Variants in SH3GL3 observed in about 807,000 individuals in gnomAD.
The protein encoded by SH3GL3 is endophilin-A3.
SH3GL3 carries 33 observed loss-of-function variants against 47.7 expected under a neutral mutation model. The ratio of observed to expected loss-of-function variants is 0.69; its 90% CI spans 0.52 to 0.92. The LOEUF (loss-of-function observed/expected upper bound fraction) is 0.92. Among genes scored for constraint, SH3GL3 ranks in the 40% least tolerant of loss-of-function variants. The pLI is 0.00. For synonymous variants in SH3GL3, 155 were observed against 148.8 expected, an observed-to-expected ratio of 1.04 and a Z score of -0.30; for missense variants, 363 against 417.8, an observed-to-expected ratio of 0.87 and a Z score of 1.14.
chr15:83,587,791 C>A (rs994999771), intron 7 of SH3GL3, among the ~76,000 whole-genome samples: 1 of 152,038 alleles, frequency 6.6e-6, no homozygotes, highest in Non-Finnish European at 1.5e-5. Flanking sequence ...CATGGCAACC[C>A]TGTTTATTAA....
intron 1 of SH3GL3, among the ~76,000 whole-genome samples, chr15:83,523,582 C>T (rs150758265): frequency 3.8e-4 from 58 of 152,326 alleles, no homozygotes; most frequent in Non-Finnish European, 7.2e-4. Context: ...TTCACATTAG[C>T]AGTTTTTGGC....
intron 8 of SH3GL3, among the ~76,000 whole-genome samples, chr15:83,615,604 A>G (rs2060791635): frequency 6.6e-6 from 1 of 152,012 alleles, no homozygotes; most frequent in Non-Finnish European, 1.5e-5. Flanking sequence ...GAGCCACCAC[A>G]CCCGGCCTGT....
chr15:83,600,464 T>G (rs2060350361), intron 8 of SH3GL3, among the ~76,000 whole-genome samples: 1 of 152,246 alleles, frequency 6.6e-6, no homozygotes, highest in African/African-American at 2.4e-5. Flanking sequence ...CCCCACTTTA[T>G]GCTTTCGTTT....
In SH3GL3 at chr15:83,526,013, T is replaced by C. The variant is rs576164668; in HGVS notation, c.46-33240T>C. On this transcript the variant is annotated intron_variant, in intron 1 of 8. Transcript: ENST00000427482. Reference sequence around the variant, plus strand: ...TGCATTGGCTATTTGGGCTCTTTTTTGGTTCCATATGAATTTTATGACTGA... The same window carrying C: ...TGCATTGGCTATTTGGGCTCTTTTTCGGTTCCATATGAATTTTATGACTGA... 6.6e-5 allele frequency among the ~76,000 whole-genome samples: 10 copies of C among 152,338 alleles called. No individual in the cohort carries two copies. The South Asian group carries it at 2.1e-3, about 32-fold the overall frequency.
intron 1 of SH3GL3, among the ~76,000 whole-genome samples, chr15:83,526,039 T>C (rs2043406773): frequency 6.6e-6 from 1 of 152,214 alleles, no homozygotes; most frequent in African/African-American, 2.4e-5. Context: ...TTATGACTGA[T>C]GTTTCTATTT....
rs2041626812 is a variant in SH3GL3 at position 83,487,000 on chromosome 15, A to G, written c.45+39422A>G. ...CTCTTCTAAACCTGATAACCTCCCC[A>G]AAGCCCTGCTTCCAAATACAACCAC... On this transcript the variant is annotated intron_variant, in intron 1 of 8. Transcript: ENST00000427482. Among the ~76,000 whole-genome samples the G allele has an allele frequency of 2.0e-5, 3 of 152,174 alleles. No homozygotes were observed. The South Asian group carries it at 6.2e-4, about 32-fold the overall frequency.
chr15:83,609,496 T>C (rs1182013857), intron 8 of SH3GL3: 2 of 351,506 alleles, frequency 5.7e-6, no homozygotes, highest in Non-Finnish European at 1.1e-5. Flanking sequence ...CTCCATACCT[T>C]GTACCCCAAC....
intron 1 of SH3GL3, among the ~76,000 whole-genome samples, chr15:83,505,523 CTTTTTTTTTT>C (rs35112953): frequency 1.1e-5 from 1 of 92,036 alleles, no homozygotes; most frequent in African/African-American, 4.4e-5. Flanking sequence ...CTTGAATTTC[CTTTTTTTTTT>C]TTTTTTTTTT....
In SH3GL3 at chr15:83,559,591, G is replaced by A. The variant is rs549371337; in HGVS notation, c.114+270G>A. Among the ~76,000 whole-genome samples the A allele has an allele frequency of 1.1e-4, 16 of 152,270 alleles. No individual in the cohort carries two copies. In the South Asian group the frequency reaches 3.3e-3, roughly 32 times the overall value. On this transcript the variant is annotated intron_variant, in intron 2 of 8. Transcript: ENST00000427482. ...CCAGAAGTCAGAATGTGCAAAAGAT[G>A]GGCAATCTTGGCAGTTACTGCAAGG...
At position 83,456,352 on chromosome 15, in the gene SH3GL3, C is replaced by T. The variant is rs1285547007; in HGVS notation, c.45+8774C>T. ...TGGGCTCCACCCAGTTCGAGCTTCCCGGCTGCTTTGTTTACCTAATCAAGC... is the reference window on the plus strand; with the variant it reads ...TGGGCTCCACCCAGTTCGAGCTTCCTGGCTGCTTTGTTTACCTAATCAAGC... On this transcript the variant is annotated intron_variant, in intron 1 of 8. Transcript: ENST00000427482. 4.2e-4 allele frequency among the ~76,000 whole-genome samples: 11 copies of T among 26,472 alleles called. 1 individual carries two copies. The highest frequency in any genetic ancestry group is 1.1e-3 in the African/African-American group (8 of 7,332). 17.4% of individuals were successfully genotyped at this position (26,472 alleles called of 152,430 possible). A position where few individuals can be genotyped will look rare whatever the true frequency, so the allele number is the denominator to read the frequency against.
At chr15:83,466,939 G>C (rs2040595835) in intron 1 of SH3GL3, among the ~76,000 whole-genome samples, 1 of 152,124 alleles carries the variant, frequency 6.6e-6, no homozygotes, top group Admixed American at 6.6e-5. Flanking sequence ...ATATATTATA[G>C]ATATTAGTCC....
At chr15:83,611,576 C>T (rs2060667290) in intron 8 of SH3GL3, 1 of 151,958 alleles carries the variant, frequency 6.6e-6, no homozygotes, top group African/African-American at 2.4e-5. Flanking sequence ...CAACTATGCC[C>T]AGCGATTCCA....
intron 8 of SH3GL3, among the ~76,000 whole-genome samples, chr15:83,591,868 A>G (rs906968295): frequency 1.3e-5 from 2 of 151,874 alleles, no homozygotes. Context: ...TGTATTTTTA[A>G]TAGGGACGGG....
chr15:83,603,558 G>A (rs2060442178), intron 8 of SH3GL3, among the ~76,000 whole-genome samples: 1 of 152,206 alleles, frequency 6.6e-6, no homozygotes, highest in South Asian at 2.1e-4. Flanking sequence ...CTCTGAGAAT[G>A]ATTTGGAAGA....
chr15:83,578,657 A>AT (rs11289922), intron 6 of SH3GL3, among the ~76,000 whole-genome samples: 58 of 148,650 alleles, frequency 3.9e-4, no homozygotes, highest in African/African-American at 7.7e-4. Context: ...TCTTCTTTTA[A>AT]TTTTTTTTTT....
intron 3 of SH3GL3, among the ~76,000 whole-genome samples, chr15:83,566,053 T>C (rs2045520810): frequency 6.6e-6 from 1 of 152,194 alleles, no homozygotes; most frequent in South Asian, 2.1e-4. Context: ...GCCACACAAA[T>C]TTCTTTTCCT....
intron 1 of SH3GL3, among the ~76,000 whole-genome samples, chr15:83,520,103 G>A (rs2043144044): frequency 6.6e-6 from 1 of 152,156 alleles, no homozygotes; most frequent in African/African-American, 2.4e-5. Context: ...TGTGTAGAGG[G>A]TCAGGTGACT....
intron 1 of SH3GL3, among the ~76,000 whole-genome samples, chr15:83,511,786 C>T (rs78439376): frequency 0.024 from 3,708 of 152,280 alleles, 63 homozygotes; most frequent in Non-Finnish European, 0.036. Flanking sequence ...TACATCTTGG[C>T]TCCCAGGAAG....
At chr15:83,522,222 T>G (rs539053203) in intron 1 of SH3GL3, among the ~76,000 whole-genome samples, 6 of 152,146 alleles carry the variant, frequency 3.9e-5, no homozygotes, top group Non-Finnish European at 7.4e-5. Flanking sequence ...GTTGAAAACC[T>G]TGGAGGACAC....
Sources: allele counts gnomAD v4.1 joint callset (sites outside exome capture counted in the v4.1 genomes callset), GRCh38; gene constraint gnomAD v4.1.1; transcripts MANE v1.5; gene names NCBI Gene and HGNC (gene_info 2026-07-23, HGNC 2026-07-21).